The following SYCP2 variants were observed in gnomAD, a reference collection of about 807,000 sequenced individuals.
SYCP2 encodes synaptonemal complex lateral element protein.
In SYCP2, 55 loss-of-function variants were observed where a neutral mutation model predicts 211.3. The ratio of observed to expected loss-of-function variants is 0.26; its 90% CI spans 0.21 to 0.33. The LOEUF (loss-of-function observed/expected upper bound fraction) is 0.33, where lower values mean the gene tolerates loss of function less well. SYCP2 is among the 10% of genes least tolerant of loss of function. The pLI is 1.00. For missense variants in SYCP2, 1,731 were observed against 1,752.0 expected, an observed-to-expected ratio of 0.99 and a Z score of 0.21; for synonymous variants, 570 against 555.2, an observed-to-expected ratio of 1.03 and a Z score of -0.37.
At chr20:59,908,439 C>G (rs1373956965) in intron 14 of SYCP2, among the ~76,000 whole-genome samples, 2 of 152,096 alleles carry the variant, frequency 1.3e-5, no homozygotes, top group Non-Finnish European at 2.9e-5. Context: ...CTCAAAACCT[C>G]AGGATCAGGA....
Position 59,892,712 on chromosome 20 carries a change from A to G in SYCP2, c.1794-11T>C. 1 of 1,597,374 alleles carries G rather than the reference A, an allele frequency of 6.3e-7. No individual in the cohort carries two copies. On this transcript the variant is annotated splice_polypyrimidine_tract_variant and intron_variant, in intron 22 of 44. Coordinates refer to ENST00000357552, the MANE Select transcript of SYCP2 (RefSeq NM_014258.4). ...AAAACACCAGGTAATCTAGAAAATAAATTAATTTGCTTAATGTTACAAAAC... is the reference window on the plus strand; with the variant it reads ...AAAACACCAGGTAATCTAGAAAATAGATTAATTTGCTTAATGTTACAAAAC...
intron 38 of SYCP2, 132 bp downstream of exon 38, chr20:59,868,281 C>T (rs1600802334): frequency 1.1e-6 from 1 of 882,990 alleles, no homozygotes; most frequent in East Asian, 2.5e-5. Context: ...GTGAACTTTG[C>T]AATAAAGCAT....
Position 59,896,486 on chromosome 20 carries a change from T to C in SYCP2, c.1447A>G (p.Ile483Val), listed in dbSNP as rs2060010002. Residue 483 changes from isoleucine to valine, a missense_variant, in exon 19 of 45, where the codon ATT becomes GTT. Ile to Val is a conservative substitution (Grantham distance 29, BLOSUM62 3). Transcript: ENST00000357552. ...SKRKMSEASM[I>V]VSGADRYTMR... Reference sequence around the variant, plus strand: ...GTGTATCTATCTGCACCAGAAACAATCATTGATGCTTCAGACATTTTTCTT... The same window carrying C: ...GTGTATCTATCTGCACCAGAAACAACCATTGATGCTTCAGACATTTTTCTT... 2.5e-6 allele frequency: 4 copies of C among 1,610,866 alleles called. No individual in the cohort carries two copies. In the East Asian group the frequency reaches 8.9e-5, roughly 36 times the overall value.
rs553899660 is a variant in SYCP2 at position 59,865,712 on chromosome 20, AATATAGTATAT to A, written c.4380-72_4380-62del. 4.1e-4 allele frequency: 454 copies of A among 1,114,346 alleles called. 4 individuals are homozygous for A. The African/African-American group carries it at 5.9e-3, about 14-fold the overall frequency. 69.0% of individuals were successfully genotyped at this position (1,114,346 alleles called of 1,614,324 possible). ...TCAATAATTCAAATTAGAGTGCTAT[AATATAGTATAT>A]ATAATTTTAATTTTTCAAATAGAAA... On this transcript the variant is annotated intron_variant, in intron 42 of 44. Coordinates refer to ENST00000357552, the MANE Select transcript of SYCP2 (RefSeq NM_014258.4).
chr20:59,893,194 G>T lies in SYCP2; in HGVS notation c.1741C>A (p.Leu581Ile). ...VEFPNQNFSE[L>I]QDVIPDSQAA... is the part of the protein sequence containing the mutation. ...TGTGAATCTGGTATAACATCCTGGA[G>T]TTCACCTAAATAAAACAAATATTAT... is the stretch of plus-strand genomic sequence containing the variant. Residue 581 changes from leucine (L) to isoleucine (I), a missense_variant, in exon 22 of 45, where the codon CTC (leucine) becomes ATC (isoleucine). Leu to Ile is a conservative substitution (Grantham distance 5). Coordinates refer to ENST00000357552, the MANE Select transcript of SYCP2 (RefSeq NM_014258.4). 3 of 1,595,494 alleles carry T rather than the reference G, an allele frequency of 1.9e-6. No homozygotes were observed. Among genetic ancestry groups the T allele is most frequent in the African/African-American group, 2.7e-5 (2 of 74,438 alleles).
intron 15 of SYCP2, among the ~76,000 whole-genome samples, chr20:59,905,874 T>C (rs1012309773): frequency 2.0e-5 from 3 of 152,084 alleles, no homozygotes; most frequent in African/African-American, 7.2e-5. Flanking sequence ...GTTCTATACA[T>C]TGCAATAAAG....
At position 59,893,125 on chromosome 20, in the gene SYCP2, G is replaced by C. The variant is rs1568941768; in HGVS notation, c.1793+17C>G. The C allele has an allele frequency of 6.4e-7, 1 of 1,567,712 alleles. No homozygotes were observed. Among genetic ancestry groups the C allele is most frequent in the Non-Finnish European group, 8.7e-7 (1 of 1,146,656 alleles). ...ATTAGTATAGACTAAATGATTTGAT[G>C]GTTTTCTCATACTTACATAGTATGA... On this transcript the variant is annotated intron_variant, in intron 22 of 44. Transcript: ENST00000357552.
intron 35 of SYCP2, among the ~76,000 whole-genome samples, chr20:59,871,879 C>T (rs2059458937): frequency 6.6e-6 from 1 of 151,948 alleles, no homozygotes; most frequent in South Asian, 2.1e-4. Flanking sequence ...ATATTGTTGT[C>T]TGTGGTTGAA....
At position 59,869,788 on chromosome 20, in the gene SYCP2, CCA is replaced by C; in HGVS notation, c.3741+8_3741+9del. On this transcript the variant is annotated splice_region_variant and intron_variant, in intron 36 of 44. Coordinates refer to ENST00000357552, the MANE Select transcript of SYCP2 (RefSeq NM_014258.4). The stretch of plus-strand genomic sequence containing the variant: ...TAAGGAAAATTTATAAGTTATAGTC[CCA>C]CACTTACCTCTCTTTTGCTTTGTAT... 2 of 1,565,078 alleles carry C rather than the reference CCA, an allele frequency of 1.3e-6. No homozygotes were observed. The highest frequency in any genetic ancestry group is 2.3e-5 in the East Asian group (1 of 44,366).
chr20:59,908,733 T>C (rs972150237), intron 14 of SYCP2, among the ~76,000 whole-genome samples: 1 of 152,166 alleles, frequency 6.6e-6, no homozygotes, highest in Non-Finnish European at 1.5e-5. Context: ...GTTATCAGTA[T>C]GTTGTAGCAA....
chr20:59,879,818 AATAAATATATATATATATATATATAT>A (rs1203126189), intron 31 of SYCP2, among the ~76,000 whole-genome samples: 15 of 125,660 alleles, frequency 1.2e-4, no homozygotes, highest in South Asian at 1.0e-3. Flanking sequence ...AGTAAATATA[AATAAATATATATATATATATATATAT>A]ATATATATAT....
intron 1 of SYCP2, among the ~76,000 whole-genome samples, chr20:59,932,360 C>A (rs150138478): frequency 7.2e-4 from 109 of 152,210 alleles, no homozygotes; most frequent in African/African-American, 2.6e-3. Context: ...GGAGGGAAGG[C>A]GTCCTCCTCC....
intron 15 of SYCP2, among the ~76,000 whole-genome samples, chr20:59,906,848 A>C (rs781772627): frequency 3.9e-5 from 6 of 152,184 alleles, no homozygotes; most frequent in African/African-American, 1.4e-4. Context: ...TATTTAAAAT[A>C]TATACTTTAC....
At chr20:59,893,496 T>G in intron 21 of SYCP2, 28 bp downstream of exon 21, 1 of 1,464,036 alleles carries the variant, frequency 6.8e-7, no homozygotes, top group South Asian at 1.2e-5. Context: ...CTTAAAAAAA[T>G]GACTAAATTA....
chr20:59,932,028 G>A (rs2060756621), intron 2 of SYCP2, 34 bp downstream of exon 2: 1 of 152,176 alleles, frequency 6.6e-6, no homozygotes, highest in Non-Finnish European at 1.5e-5. Flanking sequence ...ACCGAGAACA[G>A]AATAATAATG....
Position 59,892,059 on chromosome 20 carries a change from T to G in SYCP2, c.2295A>C (p.Gln765His), listed in dbSNP as rs1246320392. 6.2e-7 allele frequency: 1 copy of G among 1,611,336 alleles called. No individual in the cohort carries two copies. Among genetic ancestry groups the G allele is most frequent in the Non-Finnish European group, 8.5e-7 (1 of 1,178,814 alleles). The change falls in exon 24 of 45, where the codon CAA becomes CAC. Residue 765 changes from glutamine to histidine, a missense_variant. By Grantham distance (24) the Gln-to-His change is conservative. Transcript: ENST00000357552. The part of the protein sequence containing the change: ...DKNPSASKNV[Q>H]SHRKAEKELT... ...ATTCTTTCTCTGCTTTTCTATGACT[T>G]TGCACATTTTTGCTAGCAGATGGAT...
chr20:59,882,232 C>T, intron 26 of SYCP2, 67 bp from the exon 27 acceptor site: 1 of 1,160,878 alleles, frequency 8.6e-7, no homozygotes, highest in Non-Finnish European at 1.3e-6. Context: ...CTCAACAGCA[C>T]TAATCAGAAA....
At chr20:59,882,608 A>C (rs1360925319) in intron 26 of SYCP2, among the ~76,000 whole-genome samples, 2 of 152,180 alleles carry the variant, frequency 1.3e-5, no homozygotes, top group Non-Finnish European at 2.9e-5. Flanking sequence ...ATAAAAAAAG[A>C]ATGAAATCCT....
intron 3 of SYCP2, 109 bp from the exon 4 acceptor site, chr20:59,921,562 CATAAA>C: frequency 1.5e-6 from 1 of 666,490 alleles, no homozygotes; most frequent in East Asian, 3.4e-5. Context: ...CAAATGAACT[CATAAA>C]ATATTAATTC....
Sources: allele counts gnomAD v4.1 joint callset (sites outside exome capture counted in the v4.1 genomes callset), GRCh38; gene constraint gnomAD v4.1.1; transcripts MANE v1.5; gene names NCBI Gene and HGNC (gene_info 2026-07-23, HGNC 2026-07-21).